The following AGK variants were observed in gnomAD, a reference collection of about 807,000 sequenced individuals.
The protein encoded by AGK is acylglycerol kinase.
A neutral mutation model predicts 66.4 loss-of-function variants in AGK; 52 were observed. The observed-to-expected ratio is 0.78, with a 90% CI of 0.63 to 0.99. The LOEUF (loss-of-function observed/expected upper bound fraction) is 0.99. Among genes scored for constraint, AGK ranks in the 50% least tolerant of loss-of-function variants. The pLI is 0.00. For synonymous variants in AGK, 182 were observed against 181.1 expected (o/e 1.00, Z -0.04); for missense variants, 451 against 506.6 (o/e 0.89, Z 1.05).
At chr7:141,593,503 C>T in intron 3 of AGK, 4 of 647,200 alleles carry the variant, frequency 6.2e-6, no homozygotes, top group South Asian at 1.8e-5. Flanking sequence ...TGTCTAACCC[C>T]TGAATCATCC....
chr7:141,626,572 T>C (rs1355571493), intron 9 of AGK, among the ~76,000 whole-genome samples: 1 of 152,242 alleles, frequency 6.6e-6, no homozygotes, highest in Non-Finnish European at 1.5e-5. Context: ...CGAAGTGATA[T>C]ACTGAGAAGG....
At chr7:141,629,138 C>T (rs552724638) in intron 9 of AGK, among the ~76,000 whole-genome samples, 7 of 152,280 alleles carry the variant, frequency 4.6e-5, no homozygotes, top group Admixed American at 3.9e-4. Flanking sequence ...TCCTTTAGAA[C>T]ACCTTCTACT....
chr7:141,634,257 G>T (rs567924613), intron 10 of AGK, among the ~76,000 whole-genome samples: 75 of 152,338 alleles, frequency 4.9e-4, no homozygotes, highest in Middle Eastern at 6.8e-3. Flanking sequence ...TTTGAGCATA[G>T]GTTAGGCTCA....
intron 2 of AGK, among the ~76,000 whole-genome samples, chr7:141,561,482 C>T (rs1163849956): frequency 6.6e-6 from 1 of 151,292 alleles, no homozygotes; most frequent in Non-Finnish European, 1.5e-5. Context: ...AAGGTGGTAT[C>T]TCATTATTTT....
intron 2 of AGK, among the ~76,000 whole-genome samples, chr7:141,591,639 A>C (rs567403363): frequency 6.6e-6 from 1 of 152,302 alleles, no homozygotes; most frequent in Admixed American, 6.5e-5. Flanking sequence ...AAAATGCAAA[A>C]TTTAAAGTTT....
intron 9 of AGK, among the ~76,000 whole-genome samples, chr7:141,626,112 A>G (rs547205130): frequency 2.0e-5 from 3 of 152,332 alleles, no homozygotes; most frequent in African/African-American, 7.2e-5. Context: ...AGGCGCTGTG[A>G]AGGATTGGCT....
At chr7:141,586,920 GATC>G (rs1796005511) in intron 2 of AGK, among the ~76,000 whole-genome samples, 1 of 152,106 alleles carries the variant, frequency 6.6e-6, no homozygotes, top group African/African-American at 2.4e-5. Flanking sequence ...TACTCGTATA[GATC>G]ATCATATCCA....
rs7780349 is a variant in AGK at position 141,629,580 on chromosome 7, A to G, written c.589-4321A>G. ...CTCTCCATGACTGGTCCTCAGGGCT[A>G]TTCTGAATCCTGACAGTCCTATGCC... On this transcript the variant is annotated intron_variant, in intron 9 of 15. Coordinates refer to ENST00000649286, the MANE Select transcript of AGK (RefSeq NM_018238.4). 2.4e-3 allele frequency among the ~76,000 whole-genome samples: 365 copies of G among 152,216 alleles called. 2 individuals carry two copies. The highest frequency in any genetic ancestry group is 8.4e-3 in the African/African-American group (348 of 41,528).
intron 2 of AGK, among the ~76,000 whole-genome samples, chr7:141,572,158 A>C (rs1795619811): frequency 2.6e-5 from 4 of 152,228 alleles, no homozygotes; most frequent in African/African-American, 9.6e-5. Context: ...TTTGGGGAAC[A>C]GTGAAAATTT....
chr7:141,629,853 C>T (rs1458443540), intron 9 of AGK, among the ~76,000 whole-genome samples: 1 of 152,006 alleles, frequency 6.6e-6, no homozygotes, highest in African/African-American at 2.4e-5. Context: ...TATCTCAGTG[C>T]TTCTTGCCTA....
chr7:141,634,415 A>C (rs2116999570), intron 10 of AGK, among the ~76,000 whole-genome samples: 1 of 152,336 alleles, frequency 6.6e-6, no homozygotes, highest in South Asian at 2.1e-4. Context: ...AAGGCCTCGC[A>C]GATTGGGAGA....
chr7:141,610,625 T>G (rs1796565700), intron 5 of AGK, among the ~76,000 whole-genome samples: 1 of 152,232 alleles, frequency 6.6e-6, no homozygotes, highest in Admixed American at 6.5e-5. Context: ...ATACCAGTTA[T>G]GAACAGTTAC....
intron 9 of AGK, 60 bp downstream of exon 9, chr7:141,621,861 A>ACAT: frequency 7.9e-7 from 1 of 1,272,770 alleles, no homozygotes; most frequent in Non-Finnish European, 1.1e-6. Flanking sequence ...TACATGTTAA[A>ACAT]GAAAATAAAA....
chr7:141,578,841 G>A (rs975296425), intron 2 of AGK, among the ~76,000 whole-genome samples: 2 of 152,028 alleles, frequency 1.3e-5, no homozygotes, highest in African/African-American at 4.8e-5. Context: ...CATCCAATTA[G>A]AGAGTGCCCA....
At chr7:141,567,324 T>C (rs1795494017) in intron 2 of AGK, among the ~76,000 whole-genome samples, 1 of 152,236 alleles carries the variant, frequency 6.6e-6, no homozygotes, top group Non-Finnish European at 1.5e-5. Context: ...AAAAATTGCA[T>C]ATTTTAATTT....
At chr7:141,576,953 T>C (rs960570070) in intron 2 of AGK, among the ~76,000 whole-genome samples, 4 of 152,076 alleles carry the variant, frequency 2.6e-5, no homozygotes, top group African/African-American at 7.2e-5. Flanking sequence ...GGCAGGAGAA[T>C]GGCCTGAACC....
intron 9 of AGK, among the ~76,000 whole-genome samples, chr7:141,624,183 T>C (rs1796886301): frequency 6.6e-6 from 1 of 152,080 alleles, no homozygotes; most frequent in Non-Finnish European, 1.5e-5. Flanking sequence ...CTAACAGACA[T>C]TCATCCTGCA....
intron 2 of AGK, among the ~76,000 whole-genome samples, chr7:141,559,713 C>G (rs1795296002): frequency 6.6e-6 from 1 of 152,096 alleles, no homozygotes; most frequent in Admixed American, 6.5e-5. Flanking sequence ...AATATTAAGT[C>G]TTCTAATTTA....
intron 2 of AGK, among the ~76,000 whole-genome samples, chr7:141,577,472 TC>T (rs1795770697): frequency 1.3e-5 from 2 of 152,310 alleles, no homozygotes; most frequent in South Asian, 4.1e-4. Flanking sequence ...AGGGTCCTTG[TC>T]ATGTGACCAC....
Sources: gnomAD v4.1 joint callset for allele counts (sites outside exome capture counted in the v4.1 genomes callset) on GRCh38, gnomAD v4.1.1 for gene constraint, MANE v1.5 for transcripts, NCBI Gene and HGNC (gene_info 2026-07-23, HGNC 2026-07-21) for gene names.